The following CCDC91 variants were observed in gnomAD, a reference collection of about 807,000 sequenced individuals.
CCDC91 encodes coiled-coil domain-containing protein 91.
CCDC91 carries 48 observed loss-of-function variants against 63.2 expected under a neutral mutation model. That is an observed-to-expected ratio of 0.76 (90% CI 0.60 to 0.97). The LOEUF (loss-of-function observed/expected upper bound fraction) is 0.97. Among genes scored for constraint, CCDC91 ranks in the 50% least tolerant of loss-of-function variants. The pLI is 0.00. For synonymous variants in CCDC91, 167 were observed against 165.8 expected, an observed-to-expected ratio of 1.01 and a Z score of -0.06; for missense variants, 500 against 494.6, an observed-to-expected ratio of 1.01 and a Z score of -0.10.
chr12:28,328,794 AT>A (rs143982760), intron 6 of CCDC91, among the ~76,000 whole-genome samples: 15 of 151,734 alleles, frequency 9.9e-5, no homozygotes, highest in African/African-American at 2.2e-4. Context: ...AACAGATGCG[AT>A]TTTTTTTTCT....
chr12:28,356,477 T>C (rs1350031068), intron 6 of CCDC91, among the ~76,000 whole-genome samples: 1 of 152,188 alleles, frequency 6.6e-6, no homozygotes, highest in Non-Finnish European at 1.5e-5. Flanking sequence ...TCATTCCGAA[T>C]TTTTTCATGT....
intron 1 of CCDC91, among the ~76,000 whole-genome samples, chr12:28,245,185 C>G (rs1199905148): frequency 6.6e-6 from 1 of 151,970 alleles, no homozygotes; most frequent in Non-Finnish European, 1.5e-5. Flanking sequence ...AATCTTATAG[C>G]TAGAAACAGA....
intron 7 of CCDC91, among the ~76,000 whole-genome samples, chr12:28,389,085 A>G (rs1945782059): frequency 6.6e-6 from 1 of 152,190 alleles, no homozygotes; most frequent in Non-Finnish European, 1.5e-5. Flanking sequence ...AGTGGGAGAA[A>G]ATCTTCACCA....
intron 1 of CCDC91, among the ~76,000 whole-genome samples, chr12:28,217,830 C>A (rs149701171): frequency 1.9e-3 from 293 of 152,030 alleles, no homozygotes; most frequent in African/African-American, 6.3e-3. Context: ...AAGTAAGATA[C>A]AGACTTTTAC....
chr12:28,425,855 C>G (rs187017336), intron 8 of CCDC91, among the ~76,000 whole-genome samples: 1 of 152,270 alleles, frequency 6.6e-6, no homozygotes, highest in African/African-American at 2.4e-5. Context: ...GTGGACCCAT[C>G]AGTCTGTTTC....
chr12:28,499,244 G>A (rs1952484008), intron 12 of CCDC91, among the ~76,000 whole-genome samples: 2 of 151,546 alleles, frequency 1.3e-5, no homozygotes, highest in South Asian at 4.2e-4. Flanking sequence ...ACCACCCTGA[G>A]CCTGAGCAAC....
chr12:28,393,258 A>C (rs1455423544), intron 8 of CCDC91, among the ~76,000 whole-genome samples: 5 of 152,182 alleles, frequency 3.3e-5, no homozygotes, highest in African/African-American at 1.2e-4. Context: ...TTAAGTAGCA[A>C]ATAGTTACAG....
chr12:28,337,254 A>G (rs1942052543), intron 6 of CCDC91, among the ~76,000 whole-genome samples: 2 of 152,150 alleles, frequency 1.3e-5, no homozygotes, highest in African/African-American at 4.8e-5. Flanking sequence ...CTTCCACCAA[A>G]TAACAACATG....
chr12:28,400,081 G>T (rs762999056), intron 8 of CCDC91, among the ~76,000 whole-genome samples: 15 of 152,184 alleles, frequency 9.9e-5, no homozygotes, highest in Non-Finnish European at 1.6e-4. Context: ...CCTAGCAGAG[G>T]TTCTCCATCA....
At position 28,437,751 on chromosome 12, in the gene CCDC91, C is replaced by CT. The variant is rs954703340; in HGVS notation, c.763-12401dup. Among the ~76,000 whole-genome samples the CT allele has an allele frequency of 1.7e-4, 25 of 150,808 alleles. 1 individual carries two copies. The highest frequency in any genetic ancestry group is 9.3e-4 in the Admixed American group (14 of 15,110). ...ACTGGTTTCAACACTTTTCATTTTC[C>CT]TTTTTTTTTAACAAAATAATTTGGG... On this transcript the variant is annotated intron_variant, in intron 8 of 12. Coordinates refer to ENST00000536442, the MANE Select transcript of CCDC91 (RefSeq NM_018318.5).
intron 3 of CCDC91, among the ~76,000 whole-genome samples, chr12:28,273,967 G>C (rs1947993467): frequency 1.3e-5 from 2 of 152,140 alleles, no homozygotes; most frequent in South Asian, 4.1e-4. Context: ...GGTTTTTATG[G>C]TTTTAGGTCT....
chr12:28,373,990 A>G (rs983507996), intron 7 of CCDC91, among the ~76,000 whole-genome samples: 3 of 152,162 alleles, frequency 2.0e-5, no homozygotes, highest in African/African-American at 7.2e-5. Context: ...CTAACCAGCT[A>G]TGCAGAACTG....
intron 8 of CCDC91, among the ~76,000 whole-genome samples, chr12:28,405,903 T>C (rs1946904773): frequency 6.6e-6 from 1 of 152,094 alleles, no homozygotes; most frequent in Non-Finnish European, 1.5e-5. Context: ...CAAGCACATA[T>C]AGTTATAATG....
chr12:28,432,410 C>G (rs1171201264), intron 8 of CCDC91, among the ~76,000 whole-genome samples: 1 of 151,994 alleles, frequency 6.6e-6, no homozygotes, highest in Non-Finnish European at 1.5e-5. Context: ...AGTGAATTCT[C>G]ATGAGATCTG....
intron 1 of CCDC91, among the ~76,000 whole-genome samples, chr12:28,198,506 A>G (rs1166650192): frequency 6.6e-6 from 1 of 152,204 alleles, no homozygotes; most frequent in East Asian, 1.9e-4. Flanking sequence ...GGCATGAAAA[A>G]CAAAATAAGC....
At chr12:28,456,668 AACTG>A (rs1476436021) in intron 11 of CCDC91, among the ~76,000 whole-genome samples, 5 of 152,186 alleles carry the variant, frequency 3.3e-5, no homozygotes, top group African/African-American at 4.8e-5. Context: ...CTATCAGAAT[AACTG>A]ACTGGATGGA....
intron 11 of CCDC91, among the ~76,000 whole-genome samples, chr12:28,454,929 G>T (rs1949991321): frequency 6.6e-6 from 1 of 152,046 alleles, no homozygotes; most frequent in Non-Finnish European, 1.5e-5. Flanking sequence ...ATTTGTGCAT[G>T]CGTCGTTGTA....
intron 6 of CCDC91, among the ~76,000 whole-genome samples, chr12:28,349,070 A>G (rs1018622856): frequency 2.0e-5 from 3 of 151,956 alleles, no homozygotes; most frequent in African/African-American, 7.3e-5. Flanking sequence ...TATGTTTTGT[A>G]TTTCCAAGAG....
chr12:28,439,469 T>C (rs1363232723), intron 8 of CCDC91, among the ~76,000 whole-genome samples: 1 of 152,124 alleles, frequency 6.6e-6, no homozygotes, highest in East Asian at 1.9e-4. Context: ...ATGTTTAAGC[T>C]TTATAGAAGG....
Sources: allele counts gnomAD v4.1 joint callset (sites outside exome capture counted in the v4.1 genomes callset), GRCh38; gene constraint gnomAD v4.1.1; transcripts MANE v1.5; gene names NCBI Gene and HGNC (gene_info 2026-07-23, HGNC 2026-07-21).